NRG3: variants seen among roughly 807,000 people sequenced by gnomAD.
NRG3 encodes neuregulin 3.
A neutral mutation model predicts 66.9 loss-of-function variants in NRG3; 31 were observed. That is an observed-to-expected ratio of 0.46 (90% CI 0.35 to 0.63). The LOEUF (loss-of-function observed/expected upper bound fraction) is 0.63. Among genes scored for constraint, NRG3 ranks in the 20% least tolerant of loss-of-function variants. The pLI is 0.00. For synonymous variants in NRG3, 393 were observed against 359.4 expected (o/e 1.09, Z -1.06); for missense variants, 910 against 878.9 (o/e 1.04, Z -0.45).
intron 2 of NRG3, among the ~76,000 whole-genome samples, chr10:82,518,188 CAAT>C (rs1338191209): frequency 3.9e-5 from 6 of 152,084 alleles, no homozygotes; most frequent in African/African-American, 1.2e-4. Context: ...ACATAGGAAA[CAAT>C]AAAAATTATC....
chr10:81,939,698 C>CT (rs1848235743), intron 1 of NRG3, among the ~76,000 whole-genome samples: 2 of 101,804 alleles, frequency 2.0e-5, no homozygotes, highest in African/African-American at 7.1e-5. Flanking sequence ...TTTTGTTGAT[C>CT]TTATTAAAAA....
intron 2 of NRG3, among the ~76,000 whole-genome samples, chr10:82,679,754 T>G (rs1384256396): frequency 6.6e-6 from 1 of 152,096 alleles, no homozygotes; most frequent in African/African-American, 2.4e-5. Flanking sequence ...ACAAAATAAT[T>G]ACGAAGTGGG....
intron 1 of NRG3, among the ~76,000 whole-genome samples, chr10:82,170,092 A>C (rs1199934049): frequency 2.0e-5 from 3 of 151,814 alleles, no homozygotes; most frequent in South Asian, 2.1e-4. Flanking sequence ...GTAGTGCATT[A>C]ACAAATGTTA....
chr10:81,998,463 G>A (rs2133644548), intron 1 of NRG3, among the ~76,000 whole-genome samples: 1 of 152,206 alleles, frequency 6.6e-6, no homozygotes, highest in Admixed American at 6.5e-5. Context: ...TCTCCACACT[G>A]CTGTGTAGTG....
At chr10:82,559,383 G>A (rs972989122) in intron 2 of NRG3, among the ~76,000 whole-genome samples, 4 of 152,156 alleles carry the variant, frequency 2.6e-5, no homozygotes, top group Admixed American at 1.3e-4. Context: ...TGAGACTACC[G>A]TCTAGTTCTG....
At chr10:82,759,293 C>G (rs1591433952) in intron 3 of NRG3, among the ~76,000 whole-genome samples, 1 of 152,078 alleles carries the variant, frequency 6.6e-6, no homozygotes, top group Non-Finnish European at 1.5e-5. Context: ...CCAGATGCAG[C>G]TGATACATGC....
At position 82,018,161 on chromosome 10, in the gene NRG3, A is replaced by G. The variant is rs571823902; in HGVS notation, c.823+141998A>G. Among the ~76,000 whole-genome samples the G allele has an allele frequency of 1.8e-4, 28 of 152,340 alleles. No individual in the cohort carries two copies. In the South Asian group the frequency reaches 2.3e-3, roughly 12 times the overall value. On this transcript the variant is annotated intron_variant, in intron 1 of 8. Coordinates refer to ENST00000372141, the MANE Select transcript of NRG3 (RefSeq NM_001010848.4). ...TTCCGCTTTCTACCTATGGCTAGCC[A>G]GATTTCCCAGCACCATTTATTAAAT...
chr10:82,316,137 G>A (rs2081282709), intron 1 of NRG3, among the ~76,000 whole-genome samples: 1 of 152,018 alleles, frequency 6.6e-6, no homozygotes, highest in Non-Finnish European at 1.5e-5. Context: ...CTCCTATGTA[G>A]GAGATCTCAA....
At chr10:82,371,909 G>C (rs1018672744) in intron 2 of NRG3, among the ~76,000 whole-genome samples, 8 of 152,134 alleles carry the variant, frequency 5.3e-5, no homozygotes, top group African/African-American at 1.9e-4. Context: ...CTGTTAATGA[G>C]ACATCTGCTC....
At chr10:82,054,508 G>A (rs1371888246) in intron 1 of NRG3, among the ~76,000 whole-genome samples, 1 of 152,110 alleles carries the variant, frequency 6.6e-6, no homozygotes, top group Non-Finnish European at 1.5e-5. Context: ...GAGCACATAA[G>A]GGTCTTGATT....
intron 2 of NRG3, among the ~76,000 whole-genome samples, chr10:82,563,194 C>T (rs2045168544): frequency 6.6e-6 from 1 of 152,006 alleles, no homozygotes. Flanking sequence ...AACAATTGAA[C>T]ATTATTTTTT....
intron 6 of NRG3, among the ~76,000 whole-genome samples, chr10:82,965,489 A>G (rs1851121736): frequency 1.3e-5 from 2 of 152,204 alleles, no homozygotes; most frequent in South Asian, 4.1e-4. Context: ...TGATCCCAGC[A>G]CTTTGGAAGG....
intron 3 of NRG3, among the ~76,000 whole-genome samples, chr10:82,796,257 A>G (rs2060796481): frequency 6.6e-6 from 1 of 152,154 alleles, no homozygotes; most frequent in Admixed American, 6.6e-5. Context: ...ACTAGATTAG[A>G]GAGTATATTG....
At chr10:82,214,589 A>C (rs2075569677) in intron 1 of NRG3, among the ~76,000 whole-genome samples, 1 of 152,142 alleles carries the variant, frequency 6.6e-6, no homozygotes, top group Non-Finnish European at 1.5e-5. Flanking sequence ...TAGTCTCCCA[A>C]GTAGCTAGGA....
rs11369490 is a variant in NRG3, at chr10:82,290,800, AT to A, written c.824-67925del. ...AGGCATCCACCACCACGCCTGGCTA[AT>A]TTTTTTTTTTTTTGTATTTTTTTAG... On this transcript the variant is annotated intron_variant, in intron 1 of 8. Coordinates refer to ENST00000372141, the MANE Select transcript of NRG3 (RefSeq NM_001010848.4). Among the ~76,000 whole-genome samples, 290 of 141,670 alleles carry A rather than the reference AT, an allele frequency of 2.0e-3. 2 individuals carry two copies. The highest frequency in any genetic ancestry group is 0.018 in the East Asian group (87 of 4,848). The allele number at this position is 141,670 out of a possible 152,430, so 92.9% of individuals were successfully genotyped here.
chr10:82,227,229 C>T (rs1045903329), intron 1 of NRG3, among the ~76,000 whole-genome samples: 4 of 152,086 alleles, frequency 2.6e-5, no homozygotes, highest in African/African-American at 9.7e-5. Context: ...GCTGCTTTTT[C>T]CTCTTTCCAC....
At chr10:82,654,118 G>A (rs2051657692) in intron 2 of NRG3, among the ~76,000 whole-genome samples, 1 of 152,196 alleles carries the variant, frequency 6.6e-6, no homozygotes, top group South Asian at 2.1e-4. Context: ...GGGGTTGCAT[G>A]GGATGCGACC....
Position 82,721,771 on chromosome 10 carries a change from G to A in NRG3, c.954-16806G>A, listed in dbSNP as rs79806231. On this transcript the variant is annotated intron_variant, in intron 2 of 8. Transcript: ENST00000372141. The stretch of plus-strand genomic sequence containing the variant: ...AACAATTTTATGCATATCACTATTT[G>A]AGAGAATATCCCCTACGTTGCCTTC... 4.9e-3 allele frequency among the ~76,000 whole-genome samples: 740 copies of A among 152,178 alleles called. 4 individuals carry two copies. The highest frequency in any genetic ancestry group is 0.016 in the African/African-American group (683 of 41,524).
chr10:82,190,497 A>G (rs1268842149), intron 1 of NRG3, among the ~76,000 whole-genome samples: 1 of 152,220 alleles, frequency 6.6e-6, no homozygotes, highest in Non-Finnish European at 1.5e-5. Flanking sequence ...CCACATTGCT[A>G]TAGAAATAAC....
Sources: gnomAD v4.1 joint callset for allele counts (sites outside exome capture counted in the v4.1 genomes callset) on GRCh38, gnomAD v4.1.1 for gene constraint, MANE v1.5 for transcripts, NCBI Gene and HGNC (gene_info 2026-07-23, HGNC 2026-07-21) for gene names.